Variants in MKLN1 observed in about 807,000 individuals in gnomAD.
MKLN1 encodes muskelin.
A neutral mutation model predicts 99.0 loss-of-function variants in MKLN1; 18 were observed. The ratio of observed to expected loss-of-function variants is 0.18; its 90% CI spans 0.13 to 0.27. MKLN1 has a LOEUF of 0.27. Ranked by LOEUF, MKLN1 falls within the 10% of genes least tolerant of loss-of-function variation. MKLN1 has a pLI of 1.00. For synonymous variants in MKLN1, 288 were observed against 293.2 expected, an observed-to-expected ratio of 0.98 and a Z score of 0.18; for missense variants, 621 against 875.9, an observed-to-expected ratio of 0.71 and a Z score of 3.67.
chr7:131,254,768 G>A (rs759033456), intron 3 of MKLN1, among the ~76,000 whole-genome samples: 8 of 151,910 alleles, frequency 5.3e-5, no homozygotes, highest in South Asian at 2.1e-4. Flanking sequence ...AAAAAAGAAC[G>A]AAGAAATATG....
At chr7:131,186,652 C>T (rs927718857) in intron 2 of MKLN1, among the ~76,000 whole-genome samples, 4 of 152,280 alleles carry the variant, frequency 2.6e-5, no homozygotes, top group East Asian at 1.9e-4. Flanking sequence ...TTGCCTAGCA[C>T]GCCAGTTGCA....
At chr7:131,371,012 T>C (rs560585121) in intron 1 of MKLN1, among the ~76,000 whole-genome samples, 1 of 152,312 alleles carries the variant, frequency 6.6e-6, no homozygotes, top group East Asian at 1.9e-4. Context: ...CTGTATTTTA[T>C]TTCTTTTTAA....
At chr7:131,305,212 C>A (rs1798436282) in intron 3 of MKLN1, among the ~76,000 whole-genome samples, 1 of 152,206 alleles carries the variant, frequency 6.6e-6, no homozygotes, top group Non-Finnish European at 1.5e-5. Context: ...CCTTAAATAG[C>A]ATAGCAACCA....
chr7:131,325,556 G>C (rs542836682), upstream of MKLN1, among the ~76,000 whole-genome samples: 56 of 152,184 alleles, frequency 3.7e-4, no homozygotes, highest in East Asian at 8.3e-3. Context: ...AAGTAGCTTG[G>C]TGTGGTGATG....
At chr7:131,406,533 T>C (rs1210854034) in intron 6 of MKLN1, among the ~76,000 whole-genome samples, 1 of 152,064 alleles carries the variant, frequency 6.6e-6, no homozygotes, top group Non-Finnish European at 1.5e-5. Context: ...ATTTGTCTTA[T>C]ACAGCAATTG....
intron 2 of MKLN1, among the ~76,000 whole-genome samples, chr7:131,190,602 T>A (rs1796521664): frequency 6.6e-6 from 1 of 152,146 alleles, no homozygotes. Context: ...TAACAATAAT[T>A]TATGATCATT....
intron 3 of MKLN1, among the ~76,000 whole-genome samples, chr7:131,256,062 T>A (rs954423235): frequency 3.3e-5 from 5 of 151,686 alleles, no homozygotes; most frequent in African/African-American, 9.7e-5. Flanking sequence ...TGTACCACCA[T>A]ACTCAGCTAA....
chr7:131,207,729 A>G (rs957933403), intron 3 of MKLN1, among the ~76,000 whole-genome samples: 2 of 152,138 alleles, frequency 1.3e-5, no homozygotes, highest in African/African-American at 4.8e-5. Context: ...ACAGAGGGTC[A>G]CCTTGGGATT....
chr7:131,476,766 G>A (rs1420609811), intron 16 of MKLN1, among the ~76,000 whole-genome samples: 1 of 152,142 alleles, frequency 6.6e-6, no homozygotes, highest in African/African-American at 2.4e-5. Flanking sequence ...AAATGCAAAG[G>A]TTTTAGACTA....
rs1797517389 is a variant in MKLN1, at chr7:131,494,937, A to G, written c.*7209A>G. ...AATATACATACATACACATACACAT[A>G]CATTTTTAAAATGCTCTTTTTAAAG... is the stretch of plus-strand genomic sequence containing the variant. On this transcript the variant is annotated 3_prime_UTR_variant, in exon 18 of 18. Transcript: ENST00000352689. 6.6e-6 allele frequency: 1 copy of G among 151,578 alleles called. No individual in the cohort carries two copies. Among genetic ancestry groups the G allele is most frequent in the Non-Finnish European group, 1.5e-5 (1 of 67,798 alleles). The allele number at this position is 151,578 out of a possible 1,614,324, so 9.4% of individuals were successfully genotyped here. A position where few individuals can be genotyped will look rare whatever the true frequency, so the allele number is the denominator to read the frequency against.
At chr7:131,436,212 C>T (rs7805240) in intron 9 of MKLN1, among the ~76,000 whole-genome samples, 51,042 of 151,836 alleles carry the variant, frequency 0.34, 9,131 homozygotes, top group East Asian at 0.48. Flanking sequence ...TACTGTTCTT[C>T]CTGCCTAATA....
intron 10 of MKLN1, among the ~76,000 whole-genome samples, chr7:131,441,314 GAGA>G (rs1157060301): frequency 1.3e-5 from 2 of 152,134 alleles, no homozygotes; most frequent in Non-Finnish European, 2.9e-5. Context: ...ATTTTGTGAG[GAGA>G]AGATTATTTT....
intron 3 of MKLN1, among the ~76,000 whole-genome samples, chr7:131,287,456 C>T (rs1249348503): frequency 2.6e-5 from 4 of 152,190 alleles, no homozygotes; most frequent in Admixed American, 2.0e-4. Flanking sequence ...CCTCTGAGGT[C>T]ACATTGCCTC....
At chr7:131,279,491 A>G (rs780038523) in intron 3 of MKLN1, among the ~76,000 whole-genome samples, 2 of 152,192 alleles carry the variant, frequency 1.3e-5, no homozygotes, top group African/African-American at 2.4e-5. Context: ...TTCACATACC[A>G]TAAAAAAAGT....
chr7:131,145,301 A>G (rs1795801430), intron 2 of MKLN1, among the ~76,000 whole-genome samples: 1 of 152,156 alleles, frequency 6.6e-6, no homozygotes, highest in Admixed American at 6.5e-5. Context: ...ACAGGTACTG[A>G]GTGGGGGCGA....
At chr7:131,292,843 T>C (rs1563281674) in intron 3 of MKLN1, among the ~76,000 whole-genome samples, 2 of 152,174 alleles carry the variant, frequency 1.3e-5, no homozygotes, top group Non-Finnish European at 2.9e-5. Flanking sequence ...ATCCCACATA[T>C]ATAAAAGATA....
chr7:131,436,693 T>C (rs1400392295), intron 9 of MKLN1, among the ~76,000 whole-genome samples: 12 of 152,168 alleles, frequency 7.9e-5, no homozygotes, highest in Non-Finnish European at 1.8e-4. Flanking sequence ...TAACAAACAT[T>C]AGTTTCCTTT....
intron 1 of MKLN1, among the ~76,000 whole-genome samples, chr7:131,339,707 A>C (rs949836454): frequency 1.3e-3 from 196 of 152,224 alleles, no homozygotes; most frequent in Non-Finnish European, 2.4e-3. Context: ...TCCAAAAAAA[A>C]AAAAATTGAG....
In MKLN1 at chr7:131,192,121, G is replaced by GTA. The variant is rs1226973952; in HGVS notation, c.-296-10727_-296-10726dup. On this transcript the variant is annotated intron_variant, in intron 2 of 7. Coordinates refer to the MKLN1 transcript ENST00000416992. Reference sequence around the variant, plus strand: ...ATGTATATATATATTATATATATACGTATATATATAAAAATATATATACGT... The same window carrying GTA: ...ATGTATATATATATTATATATATACGTATATATATATAAAAATATATATACGT... Among the ~76,000 whole-genome samples, 591 of 72,324 alleles carry GTA rather than the reference G, an allele frequency of 8.2e-3. 63 individuals are homozygous for GTA. Among genetic ancestry groups the GTA allele is most frequent in the African/African-American group, 0.035 (555 of 16,072 alleles). The allele number at this position is 72,324 out of a possible 152,430, so 47.4% of individuals were successfully genotyped here.
Sources: gnomAD v4.1 joint callset for allele counts (sites outside exome capture counted in the v4.1 genomes callset) on GRCh38, gnomAD v4.1.1 for gene constraint, MANE v1.5 for transcripts, NCBI Gene and HGNC (gene_info 2026-07-23, HGNC 2026-07-21) for gene names.